FER1L5: variants seen among roughly 807,000 people sequenced by gnomAD.
The protein encoded by FER1L5 is fer-1-like protein 5.
Under a neutral mutation model 279.9 loss-of-function variants are expected in FER1L5, and 187 were observed. That is an observed-to-expected ratio of 0.67 (90% CI 0.59 to 0.75). FER1L5 has a LOEUF of 0.75. Among genes scored for constraint, FER1L5 ranks in the 30% least tolerant of loss-of-function variants. FER1L5 has a pLI of 0.00. For missense variants in FER1L5, 2,091 were observed against 2,594.4 expected, an observed-to-expected ratio of 0.81 and a Z score of 4.21; for synonymous variants, 921 against 989.7, an observed-to-expected ratio of 0.93 and a Z score of 1.30.
At position 96,698,801 on chromosome 2, in the gene FER1L5, T is replaced by A; in HGVS notation, c.4487T>A (p.Ile1496Asn). ...GTGCGGGTGTACATGGTACGAGCCA[T>A]CAACCTGCAGCCCCAGGACTACAAT... is the stretch of plus-strand genomic sequence containing the variant. ...CLVRVYMVRAINLQPQDYNGL... is the reference protein window; with the variant it reads ...CLVRVYMVRANNLQPQDYNGL... The change falls in exon 41 of 53, where the codon ATC (isoleucine) becomes AAC (asparagine). Residue 1496 changes from isoleucine (I) to asparagine (N), a missense_variant. By Grantham distance (149) the Ile-to-Asn change is moderately radical. Coordinates refer to ENST00000624922, the MANE Select transcript of FER1L5 (RefSeq NM_001293083.2). The surrounding 1 kb of genome is among the most constrained non-coding windows in gnomAD (Gnocchi z 5.5). The A allele has an allele frequency of 6.4e-7, 1 of 1,565,238 alleles. No individual in the cohort carries two copies. The highest frequency in any genetic ancestry group is 1.2e-5 in the South Asian group (1 of 84,708).
At chr2:96,701,014 T>TA (rs1216336127) in intron 45 of FER1L5, among the ~76,000 whole-genome samples, 1 of 152,200 alleles carries the variant, frequency 6.6e-6, no homozygotes, top group Non-Finnish European at 1.5e-5. Context: ...GCAAAATTTT[T>TA]AAAAAACCAT....
Position 96,698,744 on chromosome 2 carries a change from CAG to C in FER1L5, c.4439_4440del (p.Glu1480GlyfsTer28), listed in dbSNP as rs759528319. Reference sequence around the variant, plus strand: ...CCCCCGCTGCAGTTCTTGGTTTGGCCAGAGAGAGAGGACTTCCCCCAGCCGTG... The same window carrying C: ...CCCCCGCTGCAGTTCTTGGTTTGGCCAGAGAGAGGACTTCCCCCAGCCGTG... On this transcript the variant is annotated frameshift_variant, in exon 41 of 53. Coordinates refer to ENST00000624922, the MANE Select transcript of FER1L5 (RefSeq NM_001293083.2). LOFTEE classifies it high-confidence loss of function. The surrounding 1 kb of genome is among the most constrained non-coding windows in gnomAD (Gnocchi z 5.5). 16 of 1,575,728 alleles carry C rather than the reference CAG, an allele frequency of 1.0e-5. No homozygotes were observed. Among genetic ancestry groups the C allele is most frequent in the Admixed American group, 3.7e-5 (2 of 54,216 alleles).
At chr2:96,695,204 C>T (rs1352877303) in intron 34 of FER1L5, 10 of 335,842 alleles carry the variant, frequency 3.0e-5, no homozygotes, top group East Asian at 6.1e-5. Flanking sequence ...GACAAGGCAG[C>T]GGGTGAGGAG....
chr2:96,703,463 TA>T, intron 50 of FER1L5, 59 bp from the exon 51 acceptor site: 1 of 1,610,626 alleles, frequency 6.2e-7, no homozygotes, highest in Admixed American at 1.7e-5. Flanking sequence ...GAAGAGGTCC[TA>T]AAACTACCCG....
At position 96,691,377 on chromosome 2, in the gene FER1L5, G is replaced by T. The variant is rs1339568151; in HGVS notation, c.2907+24G>T. On this transcript the variant is annotated intron_variant, in intron 28 of 52. Transcript: ENST00000624922. This position sits in a 1 kb window ranked among gnomAD's most constrained non-coding sequence, Gnocchi z 6.0. ...TGGTGAGGGGTCGACGGGCGCCCTG[G>T]CTGGGACTGCGGGCAGGGCCGCCTT... 4 of 1,543,374 alleles carry T rather than the reference G, an allele frequency of 2.6e-6. 1 individual carries two copies. In the South Asian group the frequency reaches 3.6e-5, roughly 14 times the overall value.
chr2:96,681,612 G>C (rs536371756), intron 19 of FER1L5, among the ~76,000 whole-genome samples: 1 of 151,862 alleles, frequency 6.6e-6, no homozygotes, highest in South Asian at 2.1e-4. Context: ...AAATCATATC[G>C]TGGTTTCTTT....
chr2:96,666,465 C>G (rs1167313349), intron 14 of FER1L5, among the ~76,000 whole-genome samples: 1 of 151,606 alleles, frequency 6.6e-6, no homozygotes, highest in Non-Finnish European at 1.5e-5. Flanking sequence ...TCCTTGGCCC[C>G]TTAGCTGTCA....
Position 96,702,439 on chromosome 2 carries a change from G to C in FER1L5, c.5255+38G>C. ...AGTCAGGCTCCGGCAGAGCCCCTCA[G>C]TTCCCCAGTTCTGTCATCCTGCTGG... On this transcript the variant is annotated intron_variant, in intron 47 of 52. Transcript: ENST00000624922. This position sits in a 1 kb window ranked among gnomAD's most constrained non-coding sequence, Gnocchi z 4.0. 2 of 1,581,844 alleles carry C rather than the reference G, an allele frequency of 1.3e-6. No homozygotes were observed. Among genetic ancestry groups the C allele is most frequent in the African/African-American group, 2.7e-5 (2 of 74,252 alleles).
Position 96,694,655 on chromosome 2 carries a change from A to G in FER1L5, c.3741+191A>G, listed in dbSNP as rs2077293407. ...GTGTAACACTGGAAATCATTTTACC[A>G]CAAACCTCTGCAGTGAGGAGTAGGC... On this transcript the variant is annotated intron_variant, in intron 34 of 52. Coordinates refer to ENST00000624922, the MANE Select transcript of FER1L5 (RefSeq NM_001293083.2). The surrounding 1 kb of genome is among the most constrained non-coding windows in gnomAD (Gnocchi z 4.6). The G allele has an allele frequency of 4.0e-6, 2 of 497,690 alleles. No individual in the cohort carries two copies. The highest frequency in any genetic ancestry group is 8.2e-5 in the South Asian group (2 of 24,436). 30.8% of individuals were successfully genotyped at this position (497,690 alleles called of 1,614,324 possible).
chr2:96,659,358 C>CTTTCCTTCTTTCTTTCCTTCTTTCT lies in FER1L5; in HGVS notation c.748-981_748-980insTCCTTCTTTCTTTCCTTCTTTCTTT. ...CCTTCCTTCCTTCCTTCCTTCCTTC[C>CTTTCCTTCTTTCTTTCCTTCTTTCT]TTCCTTCTTTCTTTCTTTCTTTCTT... On this transcript the variant is annotated intron_variant, in intron 9 of 52. Coordinates refer to ENST00000624922, the MANE Select transcript of FER1L5 (RefSeq NM_001293083.2). Among the ~76,000 whole-genome samples the CTTTCCTTCTTTCTTTCCTTCTTTCT allele has an allele frequency of 3.3e-5, 2 of 60,608 alleles. 1 individual carries two copies. Among genetic ancestry groups the CTTTCCTTCTTTCTTTCCTTCTTTCT allele is most frequent in the South Asian group, 3.5e-3 (2 of 578 alleles). 39.8% of individuals were successfully genotyped at this position (60,608 alleles called of 152,430 possible). A position where few individuals can be genotyped will look rare whatever the true frequency, so the allele number is the denominator to read the frequency against.
At chr2:96,644,713 A>G (rs2075045396) in intron 1 of FER1L5, among the ~76,000 whole-genome samples, 1 of 152,200 alleles carries the variant, frequency 6.6e-6, no homozygotes, top group African/African-American at 2.4e-5. Context: ...CTGTGAAACT[A>G]TGCTTGTTGA....
Position 96,694,152 on chromosome 2 carries a change from C to A in FER1L5, c.3636+80C>A. On this transcript the variant is annotated intron_variant, in intron 33 of 52. Coordinates refer to ENST00000624922, the MANE Select transcript of FER1L5 (RefSeq NM_001293083.2). This position sits in a 1 kb window ranked among gnomAD's most constrained non-coding sequence, Gnocchi z 4.6. ...CCCACCCCCAGCCAGCGGGGGCCAA[C>A]TCCACCCTGTCAGGAAATGCCTGGG... 6.8e-7 allele frequency: 1 copy of A among 1,467,470 alleles called. No individual in the cohort carries two copies. Among genetic ancestry groups the A allele is most frequent in the Non-Finnish European group, 9.0e-7 (1 of 1,108,466 alleles). 90.9% of individuals were successfully genotyped at this position (1,467,470 alleles called of 1,614,324 possible). A position where few individuals can be genotyped will look rare whatever the true frequency, so the allele number is the denominator to read the frequency against.
intron 6 of FER1L5, among the ~76,000 whole-genome samples, chr2:96,651,446 T>C (rs2075377345): frequency 6.7e-6 from 1 of 150,000 alleles, no homozygotes; most frequent in Non-Finnish European, 1.5e-5. Flanking sequence ...CTCCCTTCTT[T>C]CTTTCTTTCT....
intron 4 of FER1L5, 27 bp downstream of exon 4, chr2:96,647,913 C>G: frequency 6.6e-7 from 1 of 1,523,150 alleles, no homozygotes; most frequent in Non-Finnish European, 8.9e-7. Flanking sequence ...AAGGCCCAGG[C>G]AGGGTGGCTG....
intron 19 of FER1L5, among the ~76,000 whole-genome samples, chr2:96,674,406 T>C (rs1273701126): frequency 6.6e-6 from 1 of 152,142 alleles, no homozygotes; most frequent in Non-Finnish European, 1.5e-5. Flanking sequence ...GTATTTTTAG[T>C]AGAGACGGGA....
At chr2:96,679,559 T>C (rs893093143) in intron 19 of FER1L5, among the ~76,000 whole-genome samples, 7 of 152,238 alleles carry the variant, frequency 4.6e-5, no homozygotes, top group African/African-American at 1.7e-4. Flanking sequence ...CTTACACTTA[T>C]CTGTATGATT....
In FER1L5 at chr2:96,703,624, T is replaced by A. The variant is rs187784560; in HGVS notation, c.5793T>A (p.His1931Gln). The A allele has an allele frequency of 2.9e-4, 470 of 1,613,734 alleles. 3 individuals are homozygous for A. The African/African-American group carries it at 5.7e-3, about 20-fold the overall frequency. Reference sequence around the variant, plus strand: ...AACCCAACCAGTACCCCACACTTCATCCTCCCCTGTAAGGGTCCTTGGGGC... The same window carrying A: ...AACCCAACCAGTACCCCACACTTCAACCTCCCCTGTAAGGGTCCTTGGGGC... ...QSEPNQYPTL[H>Q]PPLRTNTSFT... The change falls in exon 51 of 53, where the codon CAT becomes CAA. Residue 1931 changes from histidine (H) to glutamine (Q), a missense_variant. His to Gln is a conservative substitution (Grantham distance 24). Transcript: ENST00000624922.
At chr2:96,697,868 C>T (rs2077442266) in intron 39 of FER1L5, 107 bp downstream of exon 39, 2 of 1,469,720 alleles carry the variant, frequency 1.4e-6, no homozygotes, top group South Asian at 1.3e-5. Flanking sequence ...GGTTCCCGCA[C>T]TGTCTCCCAG....
chr2:96,691,174 G>GGTC lies in FER1L5; in HGVS notation c.2744-15_2744-13dup. On this transcript the variant is annotated splice_polypyrimidine_tract_variant and intron_variant, in intron 27 of 52. Transcript: ENST00000624922. The surrounding 1 kb of genome is among the most constrained non-coding windows in gnomAD (Gnocchi z 6.0). ...GGGCACCTGAGGACTCAGAGGCCAT[G>GGTC]GTCCACCCACCGCAGGCTGGGAGTA... 1 of 1,539,862 alleles carries GGTC rather than the reference G, an allele frequency of 6.5e-7. No individual in the cohort carries two copies. Among genetic ancestry groups the GGTC allele is most frequent in the Non-Finnish European group, 8.8e-7 (1 of 1,140,404 alleles).
Sources: allele counts gnomAD v4.1 joint callset (sites outside exome capture counted in the v4.1 genomes callset), GRCh38; gene constraint gnomAD v4.1.1; non-coding constraint Gnocchi (gnomAD v3.1); transcripts MANE v1.5; gene names NCBI Gene and HGNC (gene_info 2026-07-23, HGNC 2026-07-21).